Variants in GRIA4 observed in about 807,000 individuals in gnomAD.
GRIA4 encodes glutamate ionotropic receptor AMPA type subunit 4, also known as glutamate receptor 4.
GRIA4 carries 34 observed loss-of-function variants against 104.0 expected under a neutral mutation model. That is an observed-to-expected ratio of 0.33 (90% CI 0.25 to 0.44). GRIA4 has a LOEUF of 0.44. GRIA4 is among the 20% of genes least tolerant of loss of function. The probability of loss-of-function intolerance (pLI) is 1.00; values close to 1 mark genes in which losing one functional copy is unlikely to be tolerated. For synonymous variants in GRIA4, 386 were observed against 381.9 expected (o/e 1.01, Z -0.13); for missense variants, 750 against 1,096.5 (o/e 0.68, Z 4.46).
intron 3 of GRIA4, among the ~76,000 whole-genome samples, chr11:105,628,155 A>G (rs1950936259): frequency 6.6e-6 from 1 of 152,190 alleles, no homozygotes; most frequent in African/African-American, 2.4e-5. Flanking sequence ...AGATAGTAAC[A>G]TAAATAGTTT....
At chr11:105,781,248 A>G (rs1009365998) in intron 4 of GRIA4, among the ~76,000 whole-genome samples, 2 of 151,956 alleles carry the variant, frequency 1.3e-5, no homozygotes, top group African/African-American at 2.4e-5. Context: ...TTCCCCCAGG[A>G]CCCCATTCTG....
chr11:105,938,643 G>C (rs1161089235), intron 14 of GRIA4, among the ~76,000 whole-genome samples: 1 of 152,106 alleles, frequency 6.6e-6, no homozygotes, highest in Non-Finnish European at 1.5e-5. Flanking sequence ...GATACAGTCT[G>C]TTGGGCTAAG....
intron 6 of GRIA4, among the ~76,000 whole-genome samples, chr11:105,893,322 C>T (rs1329871663): frequency 6.6e-6 from 1 of 151,956 alleles, no homozygotes; most frequent in Non-Finnish European, 1.5e-5. Context: ...TCAAAATGGC[C>T]ACCAAAATAA....
chr11:105,687,562 G>C (rs1023366227), intron 3 of GRIA4, among the ~76,000 whole-genome samples: 2 of 152,166 alleles, frequency 1.3e-5, no homozygotes, highest in African/African-American at 4.8e-5. Context: ...CTTGGCAACT[G>C]ATCAGATAAA....
chr11:105,679,693 C>T (rs1161520205), intron 3 of GRIA4, among the ~76,000 whole-genome samples: 1 of 152,086 alleles, frequency 6.6e-6, no homozygotes, highest in Non-Finnish European at 1.5e-5. Flanking sequence ...AAAGATTATA[C>T]ATATAAATAT....
rs566468914 is a variant in GRIA4 at position 105,839,610 on chromosome 11, G to A, written c.488-22414G>A. Among the ~76,000 whole-genome samples the A allele has an allele frequency of 4.6e-5, 7 of 151,448 alleles. No individual in the cohort carries two copies. In the East Asian group the frequency reaches 9.7e-4, roughly 21 times the overall value. ...ATTTCTGAGAATTAATGGATTAATGGTTAAAAATAAGAACCCCAGCCCAAG... is the reference window on the plus strand; with the variant it reads ...ATTTCTGAGAATTAATGGATTAATGATTAAAAATAAGAACCCCAGCCCAAG... On this transcript the variant is annotated intron_variant, in intron 4 of 16. Coordinates refer to ENST00000282499, the MANE Select transcript of GRIA4 (RefSeq NM_000829.4).
At chr11:105,913,245 T>A in intron 10 of GRIA4, 1 of 416,974 alleles carries the variant, frequency 2.4e-6, no homozygotes, top group Non-Finnish European at 3.2e-6. Context: ...AGAAACATAA[T>A]TAAGAATTAT....
At chr11:105,663,780 C>T (rs1398271297) in intron 3 of GRIA4, among the ~76,000 whole-genome samples, 6 of 151,882 alleles carry the variant, frequency 4.0e-5, no homozygotes, top group Non-Finnish European at 8.8e-5. Flanking sequence ...TCGAAGATGA[C>T]ACTGAAGTCA....
intron 4 of GRIA4, among the ~76,000 whole-genome samples, chr11:105,759,215 C>G (rs1485752062): frequency 3.9e-5 from 6 of 151,974 alleles, no homozygotes; most frequent in Non-Finnish European, 8.8e-5. Context: ...TCCTTAAACT[C>G]TAATAAATAT....
intron 3 of GRIA4, chr11:105,707,942 T>A (rs1953767107): frequency 6.6e-6 from 1 of 152,158 alleles, no homozygotes; most frequent in Non-Finnish European, 1.5e-5. Flanking sequence ...TTCTAACCCT[T>A]AGACTGTTGG....
chr11:105,896,096 T>C (rs1180448322), intron 6 of GRIA4, among the ~76,000 whole-genome samples: 2 of 152,224 alleles, frequency 1.3e-5, no homozygotes, highest in East Asian at 3.9e-4. Context: ...ACATCTGCTA[T>C]TTCTTGAGTT....
Position 105,981,871 on chromosome 11 carries a change from CT to C in GRIA4, c.*2133del, listed in dbSNP as rs1859265469. 3 of 152,940 alleles carry C rather than the reference CT, an allele frequency of 2.0e-5. No homozygotes were observed. The highest frequency in any genetic ancestry group is 4.1e-4 in the South Asian group (2 of 4,822). The allele number at this position is 152,940 out of a possible 1,614,324, so 9.5% of individuals were successfully genotyped here. A position where few individuals can be genotyped will look rare whatever the true frequency, so the allele number is the denominator to read the frequency against. ...ATTTCCATGGCTATCCACCACCCCC[CT>C]GCCTGTGAGACTGAGTTAGGTGCCC... On this transcript the variant is annotated 3_prime_UTR_variant, in exon 17 of 17. Transcript: ENST00000282499.
intron 3 of GRIA4, among the ~76,000 whole-genome samples, chr11:105,616,173 A>G (rs1319135260): frequency 6.6e-6 from 1 of 151,604 alleles, no homozygotes; most frequent in Non-Finnish European, 1.5e-5. Flanking sequence ...ATTGATTAAT[A>G]TTTTTCTTAT....
chr11:105,819,278 A>T (rs1943492835), intron 4 of GRIA4, among the ~76,000 whole-genome samples: 1 of 152,000 alleles, frequency 6.6e-6, no homozygotes, highest in Admixed American at 6.6e-5. Context: ...CCTGGCTCTA[A>T]CTCTTACTAT....
intron 3 of GRIA4, among the ~76,000 whole-genome samples, chr11:105,623,595 T>C (rs1446602098): frequency 6.6e-6 from 1 of 152,028 alleles, no homozygotes; most frequent in East Asian, 1.9e-4. Flanking sequence ...CCATTCCCTT[T>C]TATTGGACTC....
intron 3 of GRIA4, among the ~76,000 whole-genome samples, chr11:105,634,505 GA>G (rs1315329588): frequency 6.4e-4 from 44 of 69,240 alleles, no homozygotes; most frequent in African/African-American, 1.9e-3. Flanking sequence ...AAGAAAGAAA[GA>G]AAGAAAGAAG....
intron 3 of GRIA4, among the ~76,000 whole-genome samples, chr11:105,742,877 C>T (rs1939402925): frequency 1.3e-5 from 2 of 152,056 alleles, no homozygotes; most frequent in Admixed American, 1.3e-4. Flanking sequence ...GCTGGGATCA[C>T]AGGCGCCTGC....
chr11:105,678,476 A>C (rs1411292066), intron 3 of GRIA4, among the ~76,000 whole-genome samples: 1 of 152,044 alleles, frequency 6.6e-6, no homozygotes, highest in Admixed American at 6.6e-5. Context: ...TTCTATTTCA[A>C]TTTTCTATTC....
intron 14 of GRIA4, among the ~76,000 whole-genome samples, chr11:105,962,680 G>A (rs1948772220): frequency 1.3e-5 from 2 of 152,088 alleles, no homozygotes; most frequent in Admixed American, 1.3e-4. Flanking sequence ...AGGCATACAA[G>A]GCAAAGGCAA....
Sources: allele counts gnomAD v4.1 joint callset (sites outside exome capture counted in the v4.1 genomes callset), GRCh38; gene constraint gnomAD v4.1.1; transcripts MANE v1.5; gene names NCBI Gene and HGNC (gene_info 2026-07-23, HGNC 2026-07-21).